Variants in TMEM221 observed in about 807,000 individuals in gnomAD.
TMEM221 encodes transmembrane protein 221.
Under a neutral mutation model 10.2 loss-of-function variants are expected in TMEM221, and 11 were observed. That is an observed-to-expected ratio of 1.08 (90% CI 0.68 to 1.79). The LOEUF (loss-of-function observed/expected upper bound fraction) is 1.79. TMEM221 is among the 40% of genes most tolerant of loss of function. The pLI, the probability that TMEM221 is intolerant of heterozygous loss-of-function variation, is 0.00. For missense variants in TMEM221, 382 were observed against 417.7 expected (o/e 0.91, Z 0.75); for synonymous variants, 172 against 199.8 (o/e 0.86, Z 1.18).
rs1176718652 is a variant in TMEM221, at chr19:17,436,496, T to C, written c.838A>G (p.Arg280Gly). Reference sequence around the variant, plus strand: ...GAGTCCTTCCCCATGCTCCCTGGTCTGTGGCCCAGCATTCGACGCATCTCG... The same window carrying C: ...GAGTCCTTCCCCATGCTCCCTGGTCCGTGGCCCAGCATTCGACGCATCTCG... ...THEMRRMLGH[R>G]PGSMGKDSTL... is the part of the protein sequence containing the mutation. The change falls in exon 3 of 3, where the codon AGA becomes GGA. Residue 280 changes from arginine to glycine, a missense_variant. Coordinates refer to ENST00000341130, the MANE Select transcript of TMEM221 (RefSeq NM_001190844.2). 7 of 1,532,902 alleles carry C rather than the reference T, an allele frequency of 4.6e-6. No homozygotes were observed. Among genetic ancestry groups the C allele is most frequent in the Non-Finnish European group, 5.2e-6 (6 of 1,144,674 alleles). 95.0% of individuals were successfully genotyped at this position (1,532,902 alleles called of 1,614,324 possible). A position where few individuals can be genotyped will look rare whatever the true frequency, so the allele number is the denominator to read the frequency against.
rs2074904822 is a variant in TMEM221, at chr19:17,435,647, T to C, written c.*811A>G. 6.6e-6 allele frequency: 1 copy of C among 152,214 alleles called. No individual in the cohort carries two copies. Among genetic ancestry groups the C allele is most frequent in the East Asian group, 1.9e-4 (1 of 5,184 alleles). The allele number at this position is 152,214 out of a possible 1,614,324, so 9.4% of individuals were successfully genotyped here. A position where few individuals can be genotyped will look rare whatever the true frequency, so the allele number is the denominator to read the frequency against. ...GCAGCATGAGAACGATTAACACACA[T>C]TGAGGACCTATTGTGTGGGGGTCCC... On this transcript the variant is annotated 3_prime_UTR_variant, in exon 3 of 3. Transcript: ENST00000341130.
chr19:17,436,707 C>T lies in TMEM221; in HGVS notation c.627G>A (p.Gln209=), dbSNP rs1568396361. Reference sequence around the variant, plus strand: ...TCCGACGATGGATACCCTGCTGAGGCTGAGCTCTGGGGCTGGCCTTGGAGA... The same window carrying T: ...TCCGACGATGGATACCCTGCTGAGGTTGAGCTCTGGGGCTGGCCTTGGAGA... ...AEVSKASPRA[Q]PQQGIHRRTP... The change falls in exon 3 of 3, where the codon CAG becomes CAA. Residue 209 remains glutamine, a synonymous_variant. Transcript: ENST00000341130. The T allele has an allele frequency of 3.3e-6, 5 of 1,533,190 alleles. No homozygotes were observed. Among genetic ancestry groups the T allele is most frequent in the Admixed American group, 2.0e-5 (1 of 50,806 alleles). The allele number at this position is 1,533,190 out of a possible 1,614,324, so 95.0% of individuals were successfully genotyped here.
intron 2 of TMEM221, among the ~76,000 whole-genome samples, chr19:17,443,627 C>T (rs1025694187): frequency 3.3e-5 from 5 of 151,912 alleles, no homozygotes; most frequent in South Asian, 2.1e-4. Flanking sequence ...TGAGCCACCG[C>T]GCCCGGCCTA....
At chr19:17,445,354 C>T in intron 1 of TMEM221, 70 bp from the exon 2 acceptor site, 4 of 1,338,624 alleles carry the variant, frequency 3.0e-6, no homozygotes, top group African/African-American at 1.5e-5. Context: ...TCAGTGAGGA[C>T]AGGGAGGGAG....
intron 2 of TMEM221, among the ~76,000 whole-genome samples, chr19:17,438,977 G>A (rs575043474): frequency 1.9e-3 from 282 of 151,512 alleles, no homozygotes; most frequent in Non-Finnish European, 3.0e-3. Flanking sequence ...GGAGGCCGAC[G>A]TGGGCGGATC....
In TMEM221 at chr19:17,448,441, G is replaced by T; in HGVS notation, c.22C>A (p.Arg8=). MARSYGG[R]VLAAMTLLGI... is the part of the protein sequence containing the mutation. ...AGCAGGGTCATTGCAGCCAGCACCCGGCCGCCGTAAGAACGGGCCATGGCG... is the reference window on the plus strand; with the variant it reads ...AGCAGGGTCATTGCAGCCAGCACCCTGCCGCCGTAAGAACGGGCCATGGCG... Residue 8 remains arginine (R), a synonymous_variant, in exon 1 of 3, where the codon CGG becomes AGG. Coordinates refer to ENST00000341130, the MANE Select transcript of TMEM221 (RefSeq NM_001190844.2). The surrounding 1 kb of genome is among the most constrained non-coding windows in gnomAD (Gnocchi z 4.7). 1 of 1,481,066 alleles carries T rather than the reference G, an allele frequency of 6.8e-7. No individual in the cohort carries two copies. The highest frequency in any genetic ancestry group is 8.9e-7 in the Non-Finnish European group (1 of 1,122,570). The allele number at this position is 1,481,066 out of a possible 1,614,324, so 91.7% of individuals were successfully genotyped here.
In TMEM221 at chr19:17,436,569, C is replaced by T; in HGVS notation, c.765G>A (p.Met255Ile). 6.5e-7 allele frequency: 1 copy of T among 1,536,108 alleles called. No homozygotes were observed. Among genetic ancestry groups the T allele is most frequent in the Non-Finnish European group, 8.7e-7 (1 of 1,146,898 alleles). ...GWESSLPASR[M>I]HRTLSAGLGH... ...CCAGGCCAGCCGACAGTGTCCGGTGCATTCTGGATGCAGGCAGGCTGCTCT... is the reference window on the plus strand; with the variant it reads ...CCAGGCCAGCCGACAGTGTCCGGTGTATTCTGGATGCAGGCAGGCTGCTCT... The change falls in exon 3 of 3, where the codon ATG becomes ATA. Residue 255 changes from methionine to isoleucine, a missense_variant. Coordinates refer to ENST00000341130, the MANE Select transcript of TMEM221 (RefSeq NM_001190844.2).
In TMEM221 at chr19:17,436,064, T is replaced by TA. The variant is rs2074906801; in HGVS notation, c.*393dup. The TA allele has an allele frequency of 1.2e-5, 2 of 165,244 alleles. No homozygotes were observed. The highest frequency in any genetic ancestry group is 4.8e-5 in the African/African-American group (2 of 42,012). 10.2% of individuals were successfully genotyped at this position (165,244 alleles called of 1,614,324 possible). A position where few individuals can be genotyped will look rare whatever the true frequency, so the allele number is the denominator to read the frequency against. On this transcript the variant is annotated 3_prime_UTR_variant, in exon 3 of 3. Transcript: ENST00000341130. The stretch of plus-strand genomic sequence containing the variant: ...CATCTGTGAAATGGATGGAGACACT[T>TA]AGAGAATCACTGCCTAAGCCCCCCG...
intron 2 of TMEM221, among the ~76,000 whole-genome samples, chr19:17,440,857 G>A (rs2074929202): frequency 1.3e-5 from 2 of 152,116 alleles, no homozygotes; most frequent in South Asian, 2.1e-4. Flanking sequence ...CAGGCTTGGG[G>A]GGCATTGAGA....
At position 17,445,276 on chromosome 19, in the gene TMEM221, C is replaced by G. The variant is rs541140024; in HGVS notation, c.329G>C (p.Trp110Ser). 6.5e-7 allele frequency: 1 copy of G among 1,535,490 alleles called. No individual in the cohort carries two copies. Among genetic ancestry groups the G allele is most frequent in the Non-Finnish European group, 8.7e-7 (1 of 1,146,464 alleles). ...ARGPGPRRSDWFLYDCRLLRH... is the reference protein window; with the variant it reads ...ARGPGPRRSDSFLYDCRLLRH... ...GAGGAGGCGGCAGTCGTAGAGAAACCAGTCAGACCTGGAATGAAGGGGAGC... is the reference window on the plus strand; with the variant it reads ...GAGGAGGCGGCAGTCGTAGAGAAACGAGTCAGACCTGGAATGAAGGGGAGC... The change falls in exon 2 of 3, where the codon TGG becomes TCG. Residue 110 changes from tryptophan (W) to serine (S), a missense_variant. Trp to Ser is a radical substitution (Grantham distance 177). Coordinates refer to ENST00000341130, the MANE Select transcript of TMEM221 (RefSeq NM_001190844.2).
At position 17,448,584 on chromosome 19, in the gene TMEM221, TG is replaced by T; in HGVS notation, c.-123del. On this transcript the variant is annotated 5_prime_UTR_variant, in exon 1 of 3. Coordinates refer to ENST00000341130, the MANE Select transcript of TMEM221 (RefSeq NM_001190844.2). This position sits in a 1 kb window ranked among gnomAD's most constrained non-coding sequence, Gnocchi z 4.7. ...CCCGAGGGGGCGGGGCCGCAGGGAG[TG>T]TCTGAAAGTTCGGGGACTGGGCTGG... The T allele has an allele frequency of 1.5e-6, 1 of 673,052 alleles. No individual in the cohort carries two copies. Among genetic ancestry groups the T allele is most frequent in the East Asian group, 3.8e-5 (1 of 26,128 alleles). The allele number at this position is 673,052 out of a possible 1,614,324, so 41.7% of individuals were successfully genotyped here. A position where few individuals can be genotyped will look rare whatever the true frequency, so the allele number is the denominator to read the frequency against.
intron 2 of TMEM221, among the ~76,000 whole-genome samples, chr19:17,438,007 C>T (rs1441709564): frequency 1.3e-5 from 2 of 151,348 alleles, no homozygotes; most frequent in African/African-American, 2.4e-5. Flanking sequence ...CTGCCTCAAC[C>T]TCCCCAGGCT....
intron 2 of TMEM221, among the ~76,000 whole-genome samples, chr19:17,443,992 T>C (rs1187006951): frequency 1.4e-5 from 2 of 145,682 alleles, no homozygotes; most frequent in African/African-American, 2.5e-5. Flanking sequence ...TTTTTTTTTT[T>C]TCTCAAGCCA....
chr19:17,443,626 G>A (rs899138140), intron 2 of TMEM221, among the ~76,000 whole-genome samples: 16 of 151,886 alleles, frequency 1.1e-4, no homozygotes, highest in South Asian at 2.1e-4. Context: ...ATGAGCCACC[G>A]CGCCCGGCCT....
Position 17,448,018 on chromosome 19 carries a change from G to C in TMEM221, c.320+125C>G. 1.5e-6 allele frequency: 1 copy of C among 680,850 alleles called. No individual in the cohort carries two copies. Among genetic ancestry groups the C allele is most frequent in the East Asian group, 3.6e-5 (1 of 27,784 alleles). 42.2% of individuals were successfully genotyped at this position (680,850 alleles called of 1,614,324 possible). On this transcript the variant is annotated intron_variant, in intron 1 of 2. Coordinates refer to ENST00000341130, the MANE Select transcript of TMEM221 (RefSeq NM_001190844.2). This position sits in a 1 kb window ranked among gnomAD's most constrained non-coding sequence, Gnocchi z 4.7. Reference sequence around the variant, plus strand: ...GAGGGAGGCAGAGAGACATGGAGTGGTGGGGAGAGGGAAGTGGGGAGGGAA... The same window carrying C: ...GAGGGAGGCAGAGAGACATGGAGTGCTGGGGAGAGGGAAGTGGGGAGGGAA...
intron 2 of TMEM221, among the ~76,000 whole-genome samples, chr19:17,439,636 C>T (rs1599617553): frequency 1.3e-5 from 2 of 150,938 alleles, no homozygotes; most frequent in African/African-American, 4.9e-5. Context: ...TGCAGTGAGC[C>T]GAGATCGCGC....
intron 2 of TMEM221, among the ~76,000 whole-genome samples, chr19:17,443,747 T>C (rs2074941157): frequency 6.6e-6 from 1 of 152,150 alleles, no homozygotes; most frequent in Non-Finnish European, 1.5e-5. Context: ...TAAAACAGAT[T>C]GTTTACAGGG....
At chr19:17,447,518 A>G (rs528096769) in intron 1 of TMEM221, among the ~76,000 whole-genome samples, 23 of 152,296 alleles carry the variant, frequency 1.5e-4, no homozygotes, top group African/African-American at 5.3e-4. Context: ...ATCTACCTCA[A>G]TGGTGGGAGT....
At position 17,448,235 on chromosome 19, in the gene TMEM221, C is replaced by CGCGGCCAGCGCG. The variant is rs1208331231; in HGVS notation, c.216_227dup (p.Ala73_Ala76dup). ...AGGTGAACCCCAGCACGAGCACCAG[C>CGCGGCCAGCGCG]GCGGCCAGCGCGGCGGCCAGCGGCA... On this transcript the variant is annotated inframe_insertion, in exon 1 of 3. Coordinates refer to ENST00000341130, the MANE Select transcript of TMEM221 (RefSeq NM_001190844.2). The surrounding 1 kb of genome is among the most constrained non-coding windows in gnomAD (Gnocchi z 4.7). 5 of 1,319,878 alleles carry CGCGGCCAGCGCG rather than the reference C, an allele frequency of 3.8e-6. No individual in the cohort carries two copies. The highest frequency in any genetic ancestry group is 2.3e-4 in the Middle Eastern group (1 of 4,276). 81.8% of individuals were successfully genotyped at this position (1,319,878 alleles called of 1,614,324 possible).
Sources: gnomAD v4.1 joint callset for allele counts (sites outside exome capture counted in the v4.1 genomes callset) on GRCh38, gnomAD v4.1.1 for gene constraint, Gnocchi (gnomAD v3.1) non-coding constraint, MANE v1.5 for transcripts, NCBI Gene and HGNC (gene_info 2026-07-23, HGNC 2026-07-21) for gene names.